Variants in CFAP410 observed in about 807,000 individuals in gnomAD.
CFAP410 encodes cilia and flagella associated protein 410, also known as cilia- and flagella-associated protein 410.
Under a neutral mutation model 25.7 loss-of-function variants are expected in CFAP410, and 27 were observed. That is an observed-to-expected ratio of 1.05 (90% CI 0.77 to 1.45). The LOEUF is 1.45. Among genes scored for constraint, CFAP410 ranks in the 40% most tolerant of loss-of-function variants. The pLI is 0.00. For synonymous variants in CFAP410, 178 were observed against 158.4 expected, an observed-to-expected ratio of 1.12 and a Z score of -0.93; for missense variants, 428 against 354.1, an observed-to-expected ratio of 1.21 and a Z score of -1.67.
chr21:44,338,312 G>C, intron 1 of CFAP410: 1 of 1,289,422 alleles, frequency 7.8e-7, no homozygotes, highest in Non-Finnish European at 1.0e-6. Context: ...GGTGAGGCCA[G>C]TTGACACGGC....
At chr21:44,330,366 G>A (rs1298349298) in intron 6 of CFAP410, 40 bp from the exon 7 acceptor site, 2 of 1,587,612 alleles carry the variant, frequency 1.3e-6, no homozygotes, top group Non-Finnish European at 1.7e-6. Context: ...ACCCGGCACG[G>A]CGAGGCTGCT....
At position 44,335,790 on chromosome 21, in the gene CFAP410, C is replaced by T; in HGVS notation, c.111G>A (p.Gln37=). ...TGATCACCTCCAGGCTGGGCATCTC[C>T]TGGCAAATGGAGATCTAGGAGGAAA... The part of the protein sequence containing the change: ...GSRLTDISIC[Q]EMPSLEVITL... The change falls in exon 3 of 7, where the codon CAG becomes CAA. Residue 37 remains glutamine (Q), a synonymous_variant. Coordinates refer to ENST00000339818, the MANE Select transcript of CFAP410 (RefSeq NM_004928.3). 4 of 1,592,600 alleles carry T rather than the reference C, an allele frequency of 2.5e-6. No homozygotes were observed. Among genetic ancestry groups the T allele is most frequent in the Non-Finnish European group, 2.6e-6 (3 of 1,168,718 alleles).
chr21:44,336,017 C>T (rs1467502943), intron 2 of CFAP410, among the ~76,000 whole-genome samples: 1 of 91,696 alleles, frequency 1.1e-5, no homozygotes, highest in African/African-American at 4.3e-5. Context: ...ATGCCCAGGG[C>T]CTGAGGGGAG....
At chr21:44,331,415 A>G in intron 5 of CFAP410, 1 of 241,654 alleles carries the variant, frequency 4.1e-6, no homozygotes, top group Non-Finnish European at 8.0e-6. Flanking sequence ...CCGGCGTCTC[A>G]CTGCAGAGTC....
chr21:44,338,900 G>C (rs1489138602), intron 1 of CFAP410: 1 of 50,328 alleles, frequency 2.0e-5, no homozygotes, highest in Non-Finnish European at 3.5e-5. Flanking sequence ...TCCTCCCTCC[G>C]GCTCCGCCCT....
intron 6 of CFAP410, 87 bp downstream of exon 6, chr21:44,330,736 T>C: frequency 6.5e-7 from 1 of 1,550,126 alleles, no homozygotes; most frequent in South Asian, 1.2e-5. Context: ...CGGGGCCCTG[T>C]GAGGCTCCAT....
At chr21:44,332,635 G>A (rs369745093) in intron 4 of CFAP410, 26 of 198,820 alleles carry the variant, frequency 1.3e-4, no homozygotes, top group African/African-American at 3.7e-4. Context: ...ACAGTGGCCC[G>A]TGGAGCCTGC....
rs1340278123 is a variant in CFAP410, at chr21:44,339,344, A to C, written c.-150T>G. Reference sequence around the variant, plus strand: ...GCGGCTCGGTGAGGAGAGCGGGGCGACGCGAGCCCGCTGGGGCCGCTTGGG... The same window carrying C: ...GCGGCTCGGTGAGGAGAGCGGGGCGCCGCGAGCCCGCTGGGGCCGCTTGGG... On this transcript the variant is annotated 5_prime_UTR_variant, in exon 1 of 7. Coordinates refer to ENST00000339818, the MANE Select transcript of CFAP410 (RefSeq NM_004928.3). 1 of 450,652 alleles carries C rather than the reference A, an allele frequency of 2.2e-6. No homozygotes were observed. The highest frequency in any genetic ancestry group is 3.8e-6 in the Non-Finnish European group (1 of 264,018). The allele number at this position is 450,652 out of a possible 1,614,324, so 27.9% of individuals were successfully genotyped here.
intron 1 of CFAP410, chr21:44,338,277 C>T (rs1192308061): frequency 1.9e-5 from 24 of 1,286,220 alleles, no homozygotes; most frequent in Non-Finnish European, 2.3e-5. Context: ...CGTCTGCTCT[C>T]GCTGACCCCC....
chr21:44,335,884 T>C, intron 2 of CFAP410, 80 bp from the exon 3 acceptor site: 1 of 1,148,500 alleles, frequency 8.7e-7, no homozygotes. Flanking sequence ...CAGAGAACTG[T>C]CGAAGCCACG....
At chr21:44,336,507 G>A (rs533975602) in intron 2 of CFAP410, among the ~76,000 whole-genome samples, 4 of 152,284 alleles carry the variant, frequency 2.6e-5, no homozygotes, top group South Asian at 2.1e-4. Context: ...GGGGTGAGGT[G>A]CCCGGGGTGG....
At chr21:44,332,993 T>G in intron 4 of CFAP410, 40 bp downstream of exon 4, 4 of 1,333,216 alleles carry the variant, frequency 3.0e-6, no homozygotes, top group Non-Finnish European at 4.2e-6. Flanking sequence ...CTTCCAGGGA[T>G]TGTTTTGGGA....
Position 44,330,103 on chromosome 21 carries a change from G to A in CFAP410, c.*95C>T, listed in dbSNP as rs1216227306. 1.1e-5 allele frequency: 15 copies of A among 1,388,512 alleles called. No homozygotes were observed. The highest frequency in any genetic ancestry group is 5.0e-4 in the Middle Eastern group (2 of 3,970). 86.0% of individuals were successfully genotyped at this position (1,388,512 alleles called of 1,614,324 possible). ...ACCGGGGAGGCTTTTGTGTGGGGCC[G>A]GGGCTGCGGCCATGGCAGCCACCCT... On this transcript the variant is annotated 3_prime_UTR_variant, in exon 7 of 7. Coordinates refer to ENST00000339818, the MANE Select transcript of CFAP410 (RefSeq NM_004928.3).
chr21:44,335,527 ACAGGAGCCAT>A, intron 3 of CFAP410: 1 of 590,134 alleles, frequency 1.7e-6, no homozygotes, highest in South Asian at 2.0e-5. Flanking sequence ...CAGGCAGGGG[ACAGGAGCCAT>A]CAGGAGGCCC....
Position 44,330,137 on chromosome 21 carries a change from CG to C in CFAP410, c.*60del. ...GCCATGGCAGCCACCCTCCAGCTCCCGGGGGCTGGGGAAGACGCTGGGGTCC... is the reference window on the plus strand; with the variant it reads ...GCCATGGCAGCCACCCTCCAGCTCCCGGGGCTGGGGAAGACGCTGGGGTCC... On this transcript the variant is annotated 3_prime_UTR_variant, in exon 7 of 7. Coordinates refer to ENST00000339818, the MANE Select transcript of CFAP410 (RefSeq NM_004928.3). 2 of 1,520,990 alleles carry C rather than the reference CG, an allele frequency of 1.3e-6. No individual in the cohort carries two copies. The highest frequency in any genetic ancestry group is 1.8e-6 in the Non-Finnish European group (2 of 1,136,112). The allele number at this position is 1,520,990 out of a possible 1,614,324, so 94.2% of individuals were successfully genotyped here.
chr21:44,334,522 C>CCCTCAACCTCTGGGCGGGCACGCGCACA, intron 3 of CFAP410: 1 of 190,854 alleles, frequency 5.2e-6, no homozygotes, highest in Non-Finnish European at 9.8e-6. Context: ...CGCGCACCCC[C>CCCTCAACCTCTGGGCGGGCACGCGCACA]CCCCCCCCCC....
intron 3 of CFAP410, chr21:44,334,149 G>T (rs1361658015): frequency 4.4e-6 from 2 of 456,166 alleles, no homozygotes; most frequent in African/African-American, 2.0e-5. Context: ...CCGCGTCCGC[G>T]GCCTCGAGGC....
intron 3 of CFAP410, chr21:44,334,517 ACCCCC>A (rs199672243): frequency 3.2e-3 from 229 of 72,270 alleles, no homozygotes; most frequent in African/African-American, 4.3e-3. Flanking sequence ...GGGCACGCGC[ACCCCC>A]CCCCCCCCCC....
At chr21:44,331,271 G>A in intron 5 of CFAP410, 1 of 378,752 alleles carries the variant, frequency 2.6e-6, no homozygotes, top group Non-Finnish European at 4.8e-6. Flanking sequence ...CCGGATGGCA[G>A]ATGCCTAACA....
Sources: gnomAD v4.1 joint callset for allele counts (sites outside exome capture counted in the v4.1 genomes callset) on GRCh38, gnomAD v4.1.1 for gene constraint, MANE v1.5 for transcripts, NCBI Gene and HGNC (gene_info 2026-07-23, HGNC 2026-07-21) for gene names.